Variants in ASPH observed in about 807,000 individuals in gnomAD.
ASPH encodes the protein aspartate beta-hydroxylase.
Under a neutral mutation model 118.4 loss-of-function variants are expected in ASPH, and 100 were observed. The ratio of observed to expected loss-of-function variants is 0.84; its 90% CI spans 0.72 to 1.00. The LOEUF (loss-of-function observed/expected upper bound fraction) is 1.00. Among genes scored for constraint, ASPH ranks in the 50% least tolerant of loss-of-function variants. ASPH has a pLI of 0.00. For synonymous variants in ASPH, 315 were observed against 325.6 expected (o/e 0.97, Z 0.35); for missense variants, 920 against 919.5 (o/e 1.00, Z -0.01).
intron 14 of ASPH, among the ~76,000 whole-genome samples, chr8:61,616,754 T>A (rs1163827704): frequency 6.6e-6 from 1 of 152,226 alleles, no homozygotes; most frequent in Non-Finnish European, 1.5e-5. Context: ...TGGGACACCT[T>A]CTTCCCTAAT....
At chr8:61,712,770 G>A (rs1838348827) in intron 1 of ASPH, among the ~76,000 whole-genome samples, 2 of 152,208 alleles carry the variant, frequency 1.3e-5, no homozygotes, top group Non-Finnish European at 2.9e-5. Context: ...TCACCAATAA[G>A]AGGCCATATA....
chr8:61,647,210 A>G (rs1808459921), intron 5 of ASPH, among the ~76,000 whole-genome samples: 1 of 152,196 alleles, frequency 6.6e-6, no homozygotes, highest in Non-Finnish European at 1.5e-5. Context: ...TGAATGAATA[A>G]ATGAATTCAT....
At chr8:61,626,152 G>A in intron 13 of ASPH, 1 of 1,268,632 alleles carries the variant, frequency 7.9e-7, no homozygotes, top group Non-Finnish European at 1.0e-6. Flanking sequence ...CATCTTTAGT[G>A]TTCCTTCCCA....
intron 18 of ASPH, 47 bp downstream of exon 18, chr8:61,562,697 A>G (rs1361625300): frequency 6.8e-7 from 1 of 1,467,546 alleles, no homozygotes; most frequent in Non-Finnish European, 9.0e-7. Context: ...ATTTGCAAAT[A>G]GCCTTAGAAC....
At chr8:61,599,362 C>G (rs1333502336) in intron 14 of ASPH, among the ~76,000 whole-genome samples, 1 of 151,500 alleles carries the variant, frequency 6.6e-6, no homozygotes, top group Non-Finnish European at 1.5e-5. Context: ...GGAGATATAC[C>G]TAGTGTAAAT....
chr8:61,567,963 G>A lies in ASPH; in HGVS notation c.1150-645C>T, dbSNP rs370273256. On this transcript the variant is annotated intron_variant, in intron 16 of 24. Coordinates refer to ENST00000379454, the MANE Select transcript of ASPH (RefSeq NM_004318.4). ...GAGCAAATTATGAAGATACCTTGGG[G>A]AGTAGCATTCTAGGCAGGGAAAAGA... Among the ~76,000 whole-genome samples, 210 of 152,296 alleles carry A rather than the reference G, an allele frequency of 1.4e-3. 2 individuals are homozygous for A. The highest frequency in any genetic ancestry group is 4.7e-3 in the African/African-American group (194 of 41,554).
At chr8:61,563,948 C>A (rs886274787) in intron 17 of ASPH, among the ~76,000 whole-genome samples, 6 of 152,220 alleles carry the variant, frequency 3.9e-5, no homozygotes, top group African/African-American at 1.4e-4. Flanking sequence ...AATCTTCTGT[C>A]TCCATTTGCC....
intron 14 of ASPH, among the ~76,000 whole-genome samples, chr8:61,585,500 T>G (rs1839136511): frequency 6.6e-6 from 1 of 152,178 alleles, no homozygotes; most frequent in Non-Finnish European, 1.5e-5. Flanking sequence ...GGGCTGTTCT[T>G]TCTAAGGTCC....
At chr8:61,509,166 TGGAAA>T (rs1277173174) in intron 24 of ASPH, among the ~76,000 whole-genome samples, 13 of 152,118 alleles carry the variant, frequency 8.5e-5, no homozygotes, top group Non-Finnish European at 1.6e-4. Context: ...ATAGTGTTAC[TGGAAA>T]GGAGCCCTGA....
At chr8:61,555,780 T>C in intron 19 of ASPH, 144 bp downstream of exon 19, 2 of 659,394 alleles carry the variant, frequency 3.0e-6, no homozygotes. Context: ...ACGCTGCTTA[T>C]GAATGTCATG....
chr8:61,647,775 T>C (rs559816357), intron 5 of ASPH, among the ~76,000 whole-genome samples: 13 of 152,352 alleles, frequency 8.5e-5, no homozygotes, highest in Middle Eastern at 3.4e-3. Context: ...CAAATGTTCC[T>C]ATTAGGCTTC....
In ASPH at chr8:61,529,045, C is replaced by T. The variant is rs57976929; in HGVS notation, c.1765-2933G>A. ...ACAGAATTTTACATTGGGAAGGAAC[C>T]ATACTGTTAATCTAGCTGAAATTTC... On this transcript the variant is annotated intron_variant, in intron 21 of 24. Coordinates refer to ENST00000379454, the MANE Select transcript of ASPH (RefSeq NM_004318.4). Among the ~76,000 whole-genome samples the T allele has an allele frequency of 9.0e-3, 1,372 of 152,204 alleles. 11 individuals carry two copies. Among genetic ancestry groups the T allele is most frequent in the African/African-American group, 0.032 (1,317 of 41,520 alleles).
intron 5 of ASPH, among the ~76,000 whole-genome samples, chr8:61,649,937 G>A (rs1810052946): frequency 6.6e-6 from 1 of 152,036 alleles, no homozygotes; most frequent in African/African-American, 2.4e-5. Context: ...CAGCCATTCT[G>A]AACTACTTTC....
At chr8:61,654,225 C>G (rs1169182837) in intron 3 of ASPH, among the ~76,000 whole-genome samples, 1 of 152,160 alleles carries the variant, frequency 6.6e-6, no homozygotes, top group African/African-American at 2.4e-5. Flanking sequence ...AAGTTCTTCT[C>G]CCTTTTACAA....
At position 61,612,710 on chromosome 8, in the gene ASPH, T is replaced by C. The variant is rs576617184; in HGVS notation, c.976+6268A>G. ...AGTTTCATAGACCTGTGGGACATTT[T>C]CAAGCAATCCAATATACATTTAATT... On this transcript the variant is annotated intron_variant, in intron 14 of 24. Coordinates refer to ENST00000379454, the MANE Select transcript of ASPH (RefSeq NM_004318.4). Among the ~76,000 whole-genome samples the C allele has an allele frequency of 4.3e-4, 65 of 152,306 alleles. 1 individual carries two copies. In the South Asian group the frequency reaches 0.013, roughly 30 times the overall value.
At chr8:61,600,658 A>T (rs1017138175) in intron 14 of ASPH, among the ~76,000 whole-genome samples, 23 of 151,602 alleles carry the variant, frequency 1.5e-4, no homozygotes, top group African/African-American at 5.4e-4. Flanking sequence ...GAATAAATTT[A>T]GCCAAGAAGG....
At chr8:61,705,908 A>G (rs1423212741) in intron 1 of ASPH, among the ~76,000 whole-genome samples, 2 of 152,258 alleles carry the variant, frequency 1.3e-5, no homozygotes, top group Non-Finnish European at 2.9e-5. Flanking sequence ...TAGACATGAC[A>G]AAGCAAATCT....
chr8:61,584,616 C>CT (rs1181554061), intron 14 of ASPH, among the ~76,000 whole-genome samples: 4 of 144,068 alleles, frequency 2.8e-5, no homozygotes, highest in East Asian at 4.1e-4. Flanking sequence ...CTTTCTTTTT[C>CT]TTCTTTCTTT....
At chr8:61,612,613 C>A (rs958988552) in intron 14 of ASPH, among the ~76,000 whole-genome samples, 1 of 152,064 alleles carries the variant, frequency 6.6e-6, no homozygotes, top group African/African-American at 2.4e-5. Flanking sequence ...CTCAGGTAAT[C>A]CACCCACCTC....
Sources: gnomAD v4.1 joint callset for allele counts (sites outside exome capture counted in the v4.1 genomes callset) on GRCh38, gnomAD v4.1.1 for gene constraint, MANE v1.5 for transcripts, NCBI Gene and HGNC (gene_info 2026-07-23, HGNC 2026-07-21) for gene names.